The following LACTB variants were observed in gnomAD, a reference collection of about 807,000 sequenced individuals.
LACTB encodes lactamase beta.
Under a neutral mutation model 50.2 loss-of-function variants are expected in LACTB, and 35 were observed. That is an observed-to-expected ratio of 0.70 (90% confidence interval 0.53 to 0.92). The LOEUF (loss-of-function observed/expected upper bound fraction) is 0.92. Among genes scored for constraint, LACTB ranks in the 40% least tolerant of loss-of-function variants. LACTB has a pLI of 0.00. For synonymous variants in LACTB, 252 were observed against 268.2 expected, an observed-to-expected ratio of 0.94 and a Z score of 0.59; for missense variants, 664 against 691.8, an observed-to-expected ratio of 0.96 and a Z score of 0.45.
intron 1 of LACTB, 86 bp from the exon 2 acceptor site, chr15:63,122,550 G>A: frequency 9.3e-7 from 1 of 1,070,600 alleles, no homozygotes; most frequent in Non-Finnish European, 1.5e-6. Context: ...CAGGCTCAGG[G>A]GGCGGGGCCT....
At chr15:63,128,328 G>T (rs1431069405) in intron 4 of LACTB, among the ~76,000 whole-genome samples, 1 of 152,168 alleles carries the variant, frequency 6.6e-6, no homozygotes, top group African/African-American at 2.4e-5. Context: ...GGGCACAGTT[G>T]GCTCACGCCT....
chr15:63,133,938 C>T (rs1298068400), intron 5 of LACTB, among the ~76,000 whole-genome samples: 1 of 152,094 alleles, frequency 6.6e-6, no homozygotes, highest in Non-Finnish European at 1.5e-5. Context: ...TACTTGGTAA[C>T]TTTTCAAAAA....
intron 2 of LACTB, among the ~76,000 whole-genome samples, chr15:63,123,644 G>A (rs2652787): frequency 0.75 from 113,971 of 151,282 alleles, 43,235 homozygotes; most frequent in East Asian, 1. Context: ...AAAGAGTGTG[G>A]GTCATCTCCA....
At position 63,141,782 on chromosome 15, in the gene LACTB, T is replaced by C; in HGVS notation, c.1621T>C (p.Phe541Leu). ...NSTALKIALEFDKDRSD is the reference protein window; with the variant it reads ...NSTALKIALELDKDRSD ...CACCGCTTTGAAGATTGCCCTTGAA[T>C]TTGATAAAGACAGATCAGACTGATA... The change falls in exon 6 of 6, where the codon TTT becomes CTT. Residue 541 changes from phenylalanine (F) to leucine (L), a missense_variant. Transcript: ENST00000261893. The C allele has an allele frequency of 6.2e-7, 1 of 1,613,340 alleles. No individual in the cohort carries two copies. The highest frequency in any genetic ancestry group is 1.1e-5 in the South Asian group (1 of 91,082).
rs770311929 is a variant in LACTB at position 63,126,852 on chromosome 15, C to G, written c.425-7C>G. ...TAATAGTGACTTTTTGCTTTTTTCC[C>G]CCAAAGGTTTAGGTTATGCTGATGT... On this transcript the variant is annotated splice_region_variant and splice_polypyrimidine_tract_variant and intron_variant, in intron 2 of 5. Coordinates refer to ENST00000261893, the MANE Select transcript of LACTB (RefSeq NM_032857.5). 2.0e-6 allele frequency: 3 copies of G among 1,487,550 alleles called. No individual in the cohort carries two copies. In the Admixed American group the frequency reaches 6.6e-5, roughly 33 times the overall value. The allele number at this position is 1,487,550 out of a possible 1,614,324, so 92.1% of individuals were successfully genotyped here. A position where few individuals can be genotyped will look rare whatever the true frequency, so the allele number is the denominator to read the frequency against.
chr15:63,138,992 C>T (rs2037200367), intron 5 of LACTB, among the ~76,000 whole-genome samples: 2 of 144,668 alleles, frequency 1.4e-5, no homozygotes, highest in African/African-American at 5.2e-5. Flanking sequence ...CACAGTGTGC[C>T]GAGATCGTGC....
At position 63,129,568 on chromosome 15, in the gene LACTB, T is replaced by C. The variant is rs930221220; in HGVS notation, c.1036T>C (p.Tyr346His). The C allele has an allele frequency of 1.9e-6, 3 of 1,613,612 alleles. No homozygotes were observed. The highest frequency in any genetic ancestry group is 1.7e-6 in the Non-Finnish European group (2 of 1,179,750). ...AGCTTCAGGATGTAAATATTTGGACTATATGCAGAAAATATTCCATGACTT... is the reference window on the plus strand; with the variant it reads ...AGCTTCAGGATGTAAATATTTGGACCATATGCAGAAAATATTCCATGACTT... Reference protein sequence around the residue: ...ERASGCKYLDYMQKIFHDLDM... With the variant: ...ERASGCKYLDHMQKIFHDLDM... The change falls in exon 5 of 6, where the codon TAT (tyrosine) becomes CAT (histidine). Residue 346 changes from tyrosine (Y) to histidine (H), a missense_variant. Transcript: ENST00000261893.
chr15:63,122,446 C>A lies in LACTB; in HGVS notation c.358-190C>A, dbSNP rs563162061. The stretch of plus-strand genomic sequence containing the variant: ...CCGCCTGTCTCGGGGACCGCCCCTT[C>A]CCCCTAGGGGGCGGACAGGCACATC... On this transcript the variant is annotated intron_variant, in intron 1 of 5. Transcript: ENST00000261893. 108 of 684,616 alleles carry A rather than the reference C, an allele frequency of 1.6e-4. 1 individual carries two copies. Among genetic ancestry groups the A allele is most frequent in the Non-Finnish European group, 2.3e-4 (89 of 394,642 alleles). 42.4% of individuals were successfully genotyped at this position (684,616 alleles called of 1,614,324 possible).
At position 63,127,458 on chromosome 15, in the gene LACTB, A is replaced by C; in HGVS notation, c.721A>C (p.Met241Leu). The C allele has an allele frequency of 1.9e-6, 3 of 1,612,370 alleles. No individual in the cohort carries two copies. The highest frequency in any genetic ancestry group is 2.5e-6 in the Non-Finnish European group (3 of 1,178,968). The stretch of plus-strand genomic sequence containing the variant: ...AGAGAAAGCTTATAAAGCCTTGAAG[A>C]TGATGAAAGAGAATGTTGCATTTGA... The part of the protein sequence containing the change: ...KEEKAYKALK[M>L]MKENVAFEQE... Residue 241 changes from methionine to leucine, a missense_variant, in exon 4 of 6, where the codon ATG (methionine) becomes CTG (leucine). Met to Leu is a conservative substitution (Grantham distance 15). Coordinates refer to ENST00000261893, the MANE Select transcript of LACTB (RefSeq NM_032857.5).
chr15:63,141,907 A>T lies in LACTB; in HGVS notation c.*102A>T. The stretch of plus-strand genomic sequence containing the variant: ...TTTAAGAATAAATTTGAAATAGAGT[A>T]TAACTGAATGCAGAGAATTATGTAC... On this transcript the variant is annotated 3_prime_UTR_variant, in exon 6 of 6. Transcript: ENST00000261893. 1.0e-6 allele frequency: 1 copy of T among 980,716 alleles called. No individual in the cohort carries two copies. 60.8% of individuals were successfully genotyped at this position (980,716 alleles called of 1,614,324 possible).
intron 5 of LACTB, among the ~76,000 whole-genome samples, chr15:63,135,512 C>T (rs2037167723): frequency 6.6e-6 from 1 of 152,050 alleles, no homozygotes; most frequent in Non-Finnish European, 1.5e-5. Flanking sequence ...GCTTGAGCCT[C>T]GGTGTTCAAG....
chr15:63,129,788 C>A, intron 5 of LACTB, 138 bp downstream of exon 5: 5 of 1,196,844 alleles, frequency 4.2e-6, no homozygotes, highest in Non-Finnish European at 5.4e-6. Context: ...TCTGTTTTCT[C>A]ATCTGTAAAG....
In LACTB at chr15:63,141,411, G is replaced by A. The variant is rs966030279; in HGVS notation, c.1250G>A (p.Gly417Asp). The A allele has an allele frequency of 5.0e-6, 8 of 1,614,072 alleles. No homozygotes were observed. The highest frequency in any genetic ancestry group is 1.3e-5 in the African/African-American group (1 of 74,904). The change falls in exon 6 of 6, where the codon GGT (glycine) becomes GAT (aspartate). Residue 417 changes from glycine to aspartate, a missense_variant. Transcript: ENST00000261893. ...LLKFGNAMLY[G>D]YQVGLFKNSN... ...AAATTTGGGAATGCAATGCTTTATGGTTACCAAGTTGGGCTGTTTAAGAAC... is the reference window on the plus strand; with the variant it reads ...AAATTTGGGAATGCAATGCTTTATGATTACCAAGTTGGGCTGTTTAAGAAC...
At chr15:63,128,453 C>T (rs1194231783) in intron 4 of LACTB, among the ~76,000 whole-genome samples, 2 of 151,892 alleles carry the variant, frequency 1.3e-5, no homozygotes, top group African/African-American at 4.8e-5. Flanking sequence ...TTTAAATTAG[C>T]CAGGTTCAGT....
In LACTB at chr15:63,127,037, T is replaced by C. The variant is rs76611228; in HGVS notation, c.603T>C (p.Tyr201=). 3 of 1,601,134 alleles carry C rather than the reference T, an allele frequency of 1.9e-6. No individual in the cohort carries two copies. The highest frequency in any genetic ancestry group is 3.4e-5 in the Admixed American group (2 of 58,744). ...HYVPEFPEKE[Y]EGEKVSVTTR... ...TTCCCGAATTCCCAGAAAAAGAATA[T>C]GAAGGTGAAAAGGTACTGAAACTCA... Residue 201 remains tyrosine (Y), a synonymous_variant, in exon 3 of 6, where the codon TAT becomes TAC. Coordinates refer to ENST00000261893, the MANE Select transcript of LACTB (RefSeq NM_032857.5).
rs990937117 is a variant in LACTB, at chr15:63,129,465, C to T, written c.953-20C>T. ...TAATCAAGTATTTTATTTTTTTCCT[C>T]CTCGCAATGATGTCTCAAGGTAGTC... is the stretch of plus-strand genomic sequence containing the variant. On this transcript the variant is annotated intron_variant, in intron 4 of 5. Coordinates refer to ENST00000261893, the MANE Select transcript of LACTB (RefSeq NM_032857.5). The T allele has an allele frequency of 6.6e-6, 10 of 1,504,210 alleles. No individual in the cohort carries two copies. Among genetic ancestry groups the T allele is most frequent in the African/African-American group, 2.8e-5 (2 of 70,248 alleles). The allele number at this position is 1,504,210 out of a possible 1,614,324, so 93.2% of individuals were successfully genotyped here.
At chr15:63,123,986 T>TCC (rs2037013372) in intron 2 of LACTB, among the ~76,000 whole-genome samples, 1 of 152,026 alleles carries the variant, frequency 6.6e-6, no homozygotes, top group African/African-American at 2.4e-5. Context: ...TTCTCTAAAC[T>TCC]CCCCCGGAGA....
rs2141070684 is a variant in LACTB at position 63,127,357 on chromosome 15, C to T, written c.620C>T (p.Ser207Phe). The change falls in exon 4 of 6, where the codon TCT becomes TTT. Residue 207 changes from serine (S) to phenylalanine (F), a missense_variant. Ser to Phe is a radical substitution (Grantham distance 155). Coordinates refer to ENST00000261893, the MANE Select transcript of LACTB (RefSeq NM_032857.5). ...TTTTCATGTTTTTACAATTAGGTTT[C>T]TGTCACAACAAGATTACTGATTTCC... ...PEKEYEGEKV[S>F]VTTRLLISHL... 6.5e-7 allele frequency: 1 copy of T among 1,549,810 alleles called. No homozygotes were observed. The highest frequency in any genetic ancestry group is 2.3e-5 in the East Asian group (1 of 44,232).
chr15:63,140,144 G>C (rs2037215407), intron 5 of LACTB, among the ~76,000 whole-genome samples: 1 of 152,134 alleles, frequency 6.6e-6, no homozygotes, highest in Admixed American at 6.5e-5. Flanking sequence ...ATGAAAAAAT[G>C]TGTTTCTATT....
Sources: gnomAD v4.1 joint callset for allele counts (sites outside exome capture counted in the v4.1 genomes callset) on GRCh38, gnomAD v4.1.1 for gene constraint, MANE v1.5 for transcripts, NCBI Gene and HGNC (gene_info 2026-07-23, HGNC 2026-07-21) for gene names.